Variants in ST3GAL3 observed in about 807,000 individuals in gnomAD.
The protein encoded by ST3GAL3 is CMP-N-acetylneuraminate-beta-1,4-galactoside alpha-2,3-sialyltransferase.
Under a neutral mutation model 50.1 loss-of-function variants are expected in ST3GAL3, and 21 were observed. The ratio of observed to expected loss-of-function variants is 0.42; its 90% CI spans 0.30 to 0.60. ST3GAL3 has a LOEUF of 0.60. Among genes scored for constraint, ST3GAL3 ranks in the 20% least tolerant of loss-of-function variants. ST3GAL3 has a pLI of 0.19. For missense variants in ST3GAL3, 353 were observed against 489.4 expected, an observed-to-expected ratio of 0.72 and a Z score of 2.63; for synonymous variants, 183 against 190.0, an observed-to-expected ratio of 0.96 and a Z score of 0.30.
chr1:43,904,497 T>C (rs1336230333), intron 9 of ST3GAL3, among the ~76,000 whole-genome samples: 1 of 151,972 alleles, frequency 6.6e-6, no homozygotes, highest in Non-Finnish European at 1.5e-5. Context: ...ATGCCTCTTA[T>C]CCCTGGGAGG....
At chr1:43,814,092 T>C (rs2060950531) in intron 3 of ST3GAL3, among the ~76,000 whole-genome samples, 1 of 152,230 alleles carries the variant, frequency 6.6e-6, no homozygotes, top group African/African-American at 2.4e-5. Context: ...TGCTGAACCA[T>C]GAAATCAGTG....
chr1:43,924,665 C>G (rs2083598260), intron 11 of ST3GAL3, among the ~76,000 whole-genome samples: 1 of 152,158 alleles, frequency 6.6e-6, no homozygotes, highest in Non-Finnish European at 1.5e-5. Context: ...ACTCCTGAAC[C>G]AGATCTTTGG....
At chr1:43,729,487 T>C (rs887012150) in intron 1 of ST3GAL3, among the ~76,000 whole-genome samples, 3 of 152,238 alleles carry the variant, frequency 2.0e-5, no homozygotes, top group Non-Finnish European at 4.4e-5. Context: ...TTCTCCATCA[T>C]TGGGAAATCT....
At chr1:43,900,300 T>C (rs1448893377) in intron 9 of ST3GAL3, among the ~76,000 whole-genome samples, 1 of 152,162 alleles carries the variant, frequency 6.6e-6, no homozygotes, top group African/African-American at 2.4e-5. Context: ...ACCACTGACT[T>C]ATAGTTGAAT....
chr1:43,862,644 A>C (rs1401744345), intron 5 of ST3GAL3, among the ~76,000 whole-genome samples: 1 of 151,676 alleles, frequency 6.6e-6, no homozygotes, highest in Non-Finnish European at 1.5e-5. Flanking sequence ...GCAGTGGCTC[A>C]CACTTGTAAT....
At chr1:43,843,021 G>T (rs970767057) in intron 5 of ST3GAL3, among the ~76,000 whole-genome samples, 1 of 152,148 alleles carries the variant, frequency 6.6e-6, no homozygotes, top group South Asian at 2.1e-4. Context: ...CAGTCTTGTC[G>T]TCTGTTACTA....
At chr1:43,743,702 C>A (rs1290478466) in intron 2 of ST3GAL3, 1 of 235,980 alleles carries the variant, frequency 4.2e-6, no homozygotes, top group Non-Finnish European at 8.5e-6. Context: ...CAGTAGCAGA[C>A]AGGTGTCTAC....
intron 7 of ST3GAL3, among the ~76,000 whole-genome samples, chr1:43,898,597 G>A (rs2154270166): frequency 6.6e-6 from 1 of 152,324 alleles, no homozygotes; most frequent in Admixed American, 6.5e-5. Flanking sequence ...GGGCCTGGGT[G>A]GCGGGGGCAG....
chr1:43,749,444 C>A (rs1213404766), intron 2 of ST3GAL3, among the ~76,000 whole-genome samples: 1 of 152,130 alleles, frequency 6.6e-6, no homozygotes, highest in African/African-American at 2.4e-5. Context: ...GGAACTCTTA[C>A]AACTGAATAA....
intron 2 of ST3GAL3, among the ~76,000 whole-genome samples, chr1:43,766,896 A>G (rs897159424): frequency 6.6e-6 from 1 of 152,196 alleles, no homozygotes; most frequent in Non-Finnish European, 1.5e-5. Context: ...GACTTGAAAG[A>G]TGAATGAATA....
chr1:43,857,586 C>CCTTCCTTCCTTCCTT (rs1558605800), intron 5 of ST3GAL3, among the ~76,000 whole-genome samples: 1,164 of 85,922 alleles, frequency 0.014, 43 homozygotes, highest in African/African-American at 0.043. Context: ...CTTCCTCCCT[C>CCTTCCTTCCTTCCTT]CCTTCCTTCC....
intron 2 of ST3GAL3, among the ~76,000 whole-genome samples, chr1:43,744,399 G>T (rs952667787): frequency 2.6e-5 from 4 of 151,710 alleles, no homozygotes; most frequent in African/African-American, 9.7e-5. Context: ...ACAGGCACCC[G>T]CCATCATGCC....
At position 43,869,676 on chromosome 1, in the gene ST3GAL3, A is replaced by T. The variant is rs145852449; in HGVS notation, c.303-24707A>T. 4.9e-3 allele frequency among the ~76,000 whole-genome samples: 753 copies of T among 152,292 alleles called. 3 individuals carry two copies. The highest frequency in any genetic ancestry group is 6.3e-3 in the Non-Finnish European group (431 of 68,022). On this transcript the variant is annotated intron_variant, in intron 5 of 11. Transcript: ENST00000347631. ...ACTCCCTTCCCACTCAGCACGTATG[A>T]TGGAATGTGTGGGTCCAAACCAAGC...
chr1:43,852,396 T>C (rs991109272), intron 5 of ST3GAL3, among the ~76,000 whole-genome samples: 7 of 152,244 alleles, frequency 4.6e-5, no homozygotes, highest in Non-Finnish European at 1.0e-4. Context: ...ACTCCATTAC[T>C]CTTTCCCCTA....
intron 5 of ST3GAL3, chr1:43,851,496 C>G: frequency 6.2e-7 from 1 of 1,600,856 alleles, no homozygotes; most frequent in East Asian, 2.2e-5. Flanking sequence ...GCCTTAGTAT[C>G]TCTGGCCCGG....
At chr1:43,863,714 C>T (rs917998721) in intron 5 of ST3GAL3, among the ~76,000 whole-genome samples, 1 of 152,198 alleles carries the variant, frequency 6.6e-6, no homozygotes, top group Middle Eastern at 3.4e-3. Flanking sequence ...CTGGGAGACC[C>T]CACAGAGGCC....
At chr1:43,884,205 A>G (rs1383874970) in intron 5 of ST3GAL3, among the ~76,000 whole-genome samples, 1 of 152,174 alleles carries the variant, frequency 6.6e-6, no homozygotes, top group Non-Finnish European at 1.5e-5. Flanking sequence ...CGGAAGCAAG[A>G]GCTTCCTGAA....
chr1:43,725,943 C>A (rs1408304309), intron 1 of ST3GAL3, among the ~76,000 whole-genome samples: 2 of 152,134 alleles, frequency 1.3e-5, no homozygotes, highest in Non-Finnish European at 2.9e-5. Context: ...TCGCACCCAG[C>A]CTCACGTTTT....
intron 11 of ST3GAL3, among the ~76,000 whole-genome samples, chr1:43,929,797 T>G (rs920341236): frequency 6.6e-6 from 1 of 152,136 alleles, no homozygotes; most frequent in Non-Finnish European, 1.5e-5. Flanking sequence ...ATAACCTAGG[T>G]GCTTCATGAC....
Sources: allele counts gnomAD v4.1 joint callset (sites outside exome capture counted in the v4.1 genomes callset), GRCh38; gene constraint gnomAD v4.1.1; transcripts MANE v1.5; gene names NCBI Gene and HGNC (gene_info 2026-07-23, HGNC 2026-07-21).